Variants in ZNF141 observed in about 807,000 individuals in gnomAD.
ZNF141 encodes zinc finger protein 141 (clone pHZ-44).
In ZNF141, 7 loss-of-function variants were observed where a neutral mutation model predicts 11.3. That is an observed-to-expected ratio of 0.62 (90% CI 0.35 to 1.16). ZNF141 has a LOEUF of 1.16. Among genes scored for constraint, ZNF141 ranks in the 50% most tolerant of loss-of-function variants. The probability of loss-of-function intolerance (pLI) is 0.02; values close to 1 mark genes in which losing one functional copy is unlikely to be tolerated. For missense variants in ZNF141, 535 were observed against 554.0 expected (o/e 0.97, Z 0.34); for synonymous variants, 183 against 190.7 (o/e 0.96, Z 0.33).
intron 3 of ZNF141, among the ~76,000 whole-genome samples, chr4:354,048 G>T (rs1206371022): frequency 6.6e-6 from 1 of 152,112 alleles, no homozygotes; most frequent in Non-Finnish European, 1.5e-5. Context: ...AAGACTCATG[G>T]GCTCTTTCTA....
chr4:373,430 A>T lies in ZNF141; in HGVS notation c.993A>T (p.Arg331Ser). ...NRSTTLTKHK[R>S]IHTGEKPYTC... The stretch of plus-strand genomic sequence containing the variant: ...CCACAACCCTTACTAAACATAAGAG[A>T]ATTCATACTGGAGAGAAACCCTACA... Residue 331 changes from arginine (R) to serine (S), a missense_variant, in exon 4 of 4, where the codon AGA becomes AGT. Physicochemically the swap from Arg to Ser is moderately radical, Grantham distance 110 (BLOSUM62 -1). Coordinates refer to ENST00000240499, the MANE Select transcript of ZNF141 (RefSeq NM_003441.4). 1 of 1,614,154 alleles carries T rather than the reference A, an allele frequency of 6.2e-7. No individual in the cohort carries two copies. The highest frequency in any genetic ancestry group is 8.5e-7 in the Non-Finnish European group (1 of 1,180,028).
At chr4:340,481 T>C (rs1317563538) in intron 1 of ZNF141, among the ~76,000 whole-genome samples, 1 of 152,230 alleles carries the variant, frequency 6.6e-6, no homozygotes, top group East Asian at 1.9e-4. Flanking sequence ...CCAGCGAGGT[T>C]CACACATGTG....
rs572729092 is a variant in ZNF141 at position 372,492 on chromosome 4, G to C, written c.227-172G>C. On this transcript the variant is annotated intron_variant, in intron 3 of 3. Transcript: ENST00000240499. ...ACTCATTTATAGATTTCACAGAAAG[G>C]TGTCTTTGTTAGTATATGTTTGCTA... is the stretch of plus-strand genomic sequence containing the variant. Among the ~76,000 whole-genome samples, 5 of 152,324 alleles carry C rather than the reference G, an allele frequency of 3.3e-5. No homozygotes were observed. The South Asian group carries it at 8.3e-4, about 25-fold the overall frequency.
chr4:378,394 G>A lies in ZNF141; in HGVS notation c.*4532G>A, dbSNP rs1019348639. ...AGTGATTCTCCTGCCTCAGCCTCCT[G>A]AGTTAACTGGGACTACAATCGCCTG... On this transcript the variant is annotated 3_prime_UTR_variant, in exon 4 of 4. Transcript: ENST00000240499. Among the ~76,000 whole-genome samples, 2 of 151,586 alleles carry A rather than the reference G, an allele frequency of 1.3e-5. No individual in the cohort carries two copies. Among genetic ancestry groups the A allele is most frequent in the Admixed American group, 6.6e-5 (1 of 15,222 alleles).
intron 3 of ZNF141, chr4:350,227 A>G (rs782305427): frequency 3.7e-6 from 2 of 534,618 alleles, no homozygotes; most frequent in Admixed American, 1.9e-5. Flanking sequence ...TGAGTTGGCC[A>G]TCTGAGTGAG....
chr4:348,802 AGTC>A (rs1240168233), intron 3 of ZNF141, among the ~76,000 whole-genome samples: 1 of 152,068 alleles, frequency 6.6e-6, no homozygotes, highest in African/African-American at 2.4e-5. Flanking sequence ...GGTTATTAAA[AGTC>A]GTTTAAGGTT....
At position 370,467 on chromosome 4, in the gene ZNF141, C is replaced by T. The variant is rs1712000618; in HGVS notation, c.227-2197C>T. Among the ~76,000 whole-genome samples the T allele has an allele frequency of 4.6e-5, 7 of 151,914 alleles. No individual in the cohort carries two copies. The South Asian group carries it at 1.5e-3, about 32-fold the overall frequency. ...TCTTGAAAGGCCTTTACTTTTTCTT[C>T]ATTTTTAGGACTGTTTTACTGGTTA... is the stretch of plus-strand genomic sequence containing the variant. On this transcript the variant is annotated intron_variant, in intron 3 of 3. Coordinates refer to ENST00000240499, the MANE Select transcript of ZNF141 (RefSeq NM_003441.4).
At chr4:342,565 T>G (rs1001402863) in intron 1 of ZNF141, among the ~76,000 whole-genome samples, 1 of 152,194 alleles carries the variant, frequency 6.6e-6, no homozygotes, top group African/African-American at 2.4e-5. Context: ...TGCAGAATTT[T>G]GTTACTTACA....
chr4:338,026 C>G (rs764647206), intron 1 of ZNF141, 40 bp downstream of exon 1: 3 of 1,611,812 alleles, frequency 1.9e-6, no homozygotes, highest in Non-Finnish European at 2.5e-6. Flanking sequence ...CTGAGGAGGT[C>G]TCATCGGAGC....
At chr4:339,467 C>G (rs1472661326) in intron 1 of ZNF141, among the ~76,000 whole-genome samples, 2 of 150,934 alleles carry the variant, frequency 1.3e-5, no homozygotes, top group African/African-American at 4.9e-5. Flanking sequence ...ACACAGTTTG[C>G]TCAAGTGCAT....
In ZNF141 at chr4:383,341, A is replaced by T. The variant is rs1712749227; in HGVS notation, c.*9479A>T. On this transcript the variant is annotated 3_prime_UTR_variant, in exon 4 of 4. Transcript: ENST00000240499. The stretch of plus-strand genomic sequence containing the variant: ...TATGTTTCGGGATTGTTATGCAGTT[A>T]TAAGTTAGTAATATATACACCCATT... 1.8e-6 allele frequency: 1 copy of T among 570,808 alleles called. No individual in the cohort carries two copies. Among genetic ancestry groups the T allele is most frequent in the Non-Finnish European group, 3.1e-6 (1 of 324,042 alleles). 35.4% of individuals were successfully genotyped at this position (570,808 alleles called of 1,614,324 possible). A position where few individuals can be genotyped will look rare whatever the true frequency, so the allele number is the denominator to read the frequency against.
At chr4:348,835 G>T (rs1391050533) in intron 3 of ZNF141, among the ~76,000 whole-genome samples, 7 of 151,806 alleles carry the variant, frequency 4.6e-5, no homozygotes, top group Admixed American at 4.6e-4. Context: ...TTTTACAATT[G>T]TGTTTTCTAT....
At chr4:369,764 A>ATGTTTTTTTTTTTTTTTTTTTTT in intron 3 of ZNF141, among the ~76,000 whole-genome samples, 14 of 48,732 alleles carry the variant, frequency 2.9e-4, no homozygotes, top group Non-Finnish European at 3.1e-4. Flanking sequence ...ATATATATAT[A>ATGTTTTTTTTTTTTTTTTTTTTT]TTTTTTTTTT....
chr4:382,251 T>C lies in ZNF141; in HGVS notation c.*8389T>C, dbSNP rs538053168. 1.2e-4 allele frequency among the ~76,000 whole-genome samples: 19 copies of C among 152,200 alleles called. No homozygotes were observed. The highest frequency in any genetic ancestry group is 4.6e-4 in the African/African-American group (19 of 41,550). On this transcript the variant is annotated 3_prime_UTR_variant, in exon 4 of 4. Coordinates refer to ENST00000240499, the MANE Select transcript of ZNF141 (RefSeq NM_003441.4). ...ATGAGCCACCGCGCCCGGCCTTAGT[T>C]GTGTGTGATTTCTATGTGTGCTCTA...
chr4:367,766 C>A (rs1003882085), intron 3 of ZNF141, among the ~76,000 whole-genome samples: 8 of 152,104 alleles, frequency 5.3e-5, no homozygotes, highest in Non-Finnish European at 1.2e-4. Context: ...CTGTCCGCCA[C>A]GGCCTCCCAA....
At chr4:342,342 AG>A (rs1172231142) in intron 1 of ZNF141, among the ~76,000 whole-genome samples, 1 of 152,214 alleles carries the variant, frequency 6.6e-6, no homozygotes, top group Non-Finnish European at 1.5e-5. Flanking sequence ...GTAACCTTAT[AG>A]GGTCTGCAGA....
Position 376,637 on chromosome 4 carries a change from GAAGTT to G in ZNF141, c.*2780_*2784del, listed in dbSNP as rs372574157. Among the ~76,000 whole-genome samples, 885 of 152,140 alleles carry G rather than the reference GAAGTT, an allele frequency of 5.8e-3. 10 individuals carry two copies. The highest frequency in any genetic ancestry group is 0.019 in the African/African-American group (798 of 41,538). On this transcript the variant is annotated 3_prime_UTR_variant, in exon 4 of 4. Coordinates refer to ENST00000240499, the MANE Select transcript of ZNF141 (RefSeq NM_003441.4). ...ATACAAACTTTAGTTCCATTTACATGAAGTTAAGTATGTAAATGTGTTGCTGTAAA... is the reference window on the plus strand; with the variant it reads ...ATACAAACTTTAGTTCCATTTACATGAAGTATGTAAATGTGTTGCTGTAAA...
At position 375,989 on chromosome 4, in the gene ZNF141, C is replaced by T. The variant is rs1333884774; in HGVS notation, c.*2127C>T. On this transcript the variant is annotated 3_prime_UTR_variant, in exon 4 of 4. Coordinates refer to ENST00000240499, the MANE Select transcript of ZNF141 (RefSeq NM_003441.4). ...CTTCTGCATTATAGTGAGAGAAAAT[C>T]TGTTTTAGTAGTAAATTGTTTTACC... Among the ~76,000 whole-genome samples the T allele has an allele frequency of 6.6e-6, 1 of 151,926 alleles. No homozygotes were observed. Among genetic ancestry groups the T allele is most frequent in the Non-Finnish European group, 1.5e-5 (1 of 67,870 alleles).
chr4:357,707 C>CTTTTTT (rs572493320), intron 3 of ZNF141, among the ~76,000 whole-genome samples: 18 of 132,578 alleles, frequency 1.4e-4, no homozygotes, highest in East Asian at 4.3e-4. Flanking sequence ...TTTCTTTTTT[C>CTTTTTT]TTTTTTTTTT....
Sources: allele counts gnomAD v4.1 joint callset (sites outside exome capture counted in the v4.1 genomes callset), GRCh38; gene constraint gnomAD v4.1.1; transcripts MANE v1.5; gene names NCBI Gene and HGNC (gene_info 2026-07-23, HGNC 2026-07-21).